FGF14: variants seen among roughly 807,000 people sequenced by gnomAD.
FGF14 encodes the protein fibroblast growth factor 14.
FGF14 carries 5 observed loss-of-function variants against 25.5 expected under a neutral mutation model. The ratio of observed to expected loss-of-function variants is 0.20; its 90% CI spans 0.10 to 0.41. The LOEUF is 0.41. Among genes scored for constraint, FGF14 ranks in the 10% least tolerant of loss-of-function variants. The probability of loss-of-function intolerance (pLI) is 1.00; values close to 1 mark genes in which losing one functional copy is unlikely to be tolerated. For synonymous variants in FGF14, 138 were observed against 118.3 expected (o/e 1.17, Z -1.08); for missense variants, 222 against 320.1 (o/e 0.69, Z 2.34).
chr13:101,837,355 C>A (rs1026412473), intron 3 of FGF14, among the ~76,000 whole-genome samples: 8 of 152,052 alleles, frequency 5.3e-5, no homozygotes, highest in African/African-American at 1.7e-4. Flanking sequence ...CTCTGCTATG[C>A]CAGTTATTAC....
intron 3 of FGF14, among the ~76,000 whole-genome samples, chr13:101,756,486 G>A (rs1379989239): frequency 6.6e-6 from 1 of 152,170 alleles, no homozygotes; most frequent in Admixed American, 6.5e-5. Flanking sequence ...TGTAATCCCA[G>A]CACTTTGGGA....
chr13:102,000,794 C>T (rs1439964888), intron 1 of FGF14, among the ~76,000 whole-genome samples: 2 of 152,194 alleles, frequency 1.3e-5, no homozygotes, highest in East Asian at 3.9e-4. Flanking sequence ...TCAAAGGGAA[C>T]TAATGCTCCT....
intron 3 of FGF14, among the ~76,000 whole-genome samples, chr13:101,730,478 A>G (rs184582216): frequency 6.6e-6 from 1 of 152,328 alleles, no homozygotes; most frequent in East Asian, 1.9e-4. Flanking sequence ...AAGAAAGAAA[A>G]TATTTTCCTT....
At chr13:102,290,295 ACTGT>A (rs1335196258) in intron 1 of FGF14, among the ~76,000 whole-genome samples, 2 of 152,152 alleles carry the variant, frequency 1.3e-5, no homozygotes, top group Non-Finnish European at 2.9e-5. Context: ...AGGAAAAGGC[ACTGT>A]CTAAGAGCCA....
intron 3 of FGF14, among the ~76,000 whole-genome samples, chr13:101,769,671 T>C (rs1470277004): frequency 2.6e-5 from 4 of 152,124 alleles, no homozygotes; most frequent in African/African-American, 9.7e-5. Flanking sequence ...GGAATAAACT[T>C]ACGTGTGTAT....
chr13:101,775,672 G>T (rs1482068321), intron 3 of FGF14, among the ~76,000 whole-genome samples: 2 of 152,094 alleles, frequency 1.3e-5, no homozygotes, highest in Non-Finnish European at 2.9e-5. Context: ...GAGGATAGGG[G>T]GCCTAGGGAA....
chr13:102,065,911 T>A lies in FGF14; in HGVS notation c.209-190615A>T, dbSNP rs569310052. On this transcript the variant is annotated intron_variant, in intron 1 of 4. Transcript: ENST00000376131. Reference sequence around the variant, plus strand: ...ATAATGAATAAACCATTAATCATTTTAAAAATCATTACCTATGGATATATA... The same window carrying A: ...ATAATGAATAAACCATTAATCATTTAAAAAATCATTACCTATGGATATATA... Among the ~76,000 whole-genome samples the A allele has an allele frequency of 1.2e-4, 19 of 152,242 alleles. No individual in the cohort carries two copies. In the East Asian group the frequency reaches 3.5e-3, roughly 28 times the overall value.
Position 102,161,700 on chromosome 13 carries a change from G to GTC in FGF14, c.208+239770_208+239771insGA, listed in dbSNP as rs781546570. ...AGAAGAAGAAGAAGAAGAAGAAGAAGAAGAAGAAGAAGAAGAAGAAGAAGA... is the reference window on the plus strand; with the variant it reads ...AGAAGAAGAAGAAGAAGAAGAAGAAGTCAAGAAGAAGAAGAAGAAGAAGAAGA... On this transcript the variant is annotated intron_variant, in intron 1 of 4. Transcript: ENST00000376131. Among the ~76,000 whole-genome samples the GTC allele has an allele frequency of 3.8e-4, 53 of 138,848 alleles. 2 individuals are homozygous for GTC. The highest frequency in any genetic ancestry group is 1.1e-3 in the African/African-American group (41 of 38,132). 91.1% of individuals were successfully genotyped at this position (138,848 alleles called of 152,430 possible).
intron 1 of FGF14, among the ~76,000 whole-genome samples, chr13:102,285,061 A>T (rs1257553579): frequency 2.6e-5 from 4 of 152,128 alleles, no homozygotes; most frequent in African/African-American, 7.2e-5. Flanking sequence ...ACCTTGGAGG[A>T]CTCCATGACT....
chr13:101,974,955 C>G (rs1017804117), intron 1 of FGF14, among the ~76,000 whole-genome samples: 8 of 152,010 alleles, frequency 5.3e-5, no homozygotes, highest in African/African-American at 1.7e-4. Flanking sequence ...AATACAGAAG[C>G]ATCTGAGAAA....
intron 3 of FGF14, among the ~76,000 whole-genome samples, chr13:101,799,918 T>C (rs968572772): frequency 1.3e-5 from 2 of 152,154 alleles, no homozygotes; most frequent in African/African-American, 2.4e-5. Context: ...CATGATAACA[T>C]GTATAGAAGA....
rs75276660 is a variant in FGF14 at position 102,079,700 on chromosome 13, C to T, written c.209-204404G>A. ...GGAGCTCGTTCTTCAGGGAGGAAAC[C>T]GACTCTGTACATCACAAATACTATA... On this transcript the variant is annotated intron_variant, in intron 1 of 4. Transcript: ENST00000376131. Among the ~76,000 whole-genome samples, 601 of 152,216 alleles carry T rather than the reference C, an allele frequency of 3.9e-3. 4 individuals are homozygous for T. The highest frequency in any genetic ancestry group is 0.014 in the African/African-American group (576 of 41,530).
rs58615099 is a variant in FGF14, at chr13:101,816,269, C to CAAAAAAAAAAAAAAAAAAAAAAAA, written c.408+52455_408+52456insTTTTTTTTTTTTTTTTTTTTTTTT. ...TGGGGAACAGAGAGAGACTCCGTCT[C>CAAAAAAAAAAAAAAAAAAAAAAAA]AAAAAAAAAAAAAAAATTTGGCTTA... On this transcript the variant is annotated intron_variant, in intron 3 of 4. Coordinates refer to ENST00000376143, the MANE Select transcript of FGF14 (RefSeq NM_004115.4). 2.3e-3 allele frequency among the ~76,000 whole-genome samples: 207 copies of CAAAAAAAAAAAAAAAAAAAAAAAA among 88,886 alleles called. 5 individuals carry two copies. Among genetic ancestry groups the CAAAAAAAAAAAAAAAAAAAAAAAA allele is most frequent in the African/African-American group, 8.6e-3 (172 of 20,010 alleles). The allele number at this position is 88,886 out of a possible 152,430, so 58.3% of individuals were successfully genotyped here. A position where few individuals can be genotyped will look rare whatever the true frequency, so the allele number is the denominator to read the frequency against.
intron 1 of FGF14, among the ~76,000 whole-genome samples, chr13:102,083,541 C>A (rs1050474983): frequency 6.6e-6 from 1 of 152,144 alleles, no homozygotes; most frequent in African/African-American, 2.4e-5. Flanking sequence ...ACTGATGTCT[C>A]AAGTCTTTAG....
intron 1 of FGF14, among the ~76,000 whole-genome samples, chr13:102,326,411 T>C: frequency 6.6e-6 from 1 of 152,154 alleles, no homozygotes; most frequent in East Asian, 1.9e-4. Context: ...GACCTCTTGC[T>C]TATGATTTTC....
At chr13:102,285,684 C>G (rs1566900995) in intron 1 of FGF14, among the ~76,000 whole-genome samples, 1 of 152,126 alleles carries the variant, frequency 6.6e-6, no homozygotes, top group Non-Finnish European at 1.5e-5. Flanking sequence ...TATCTTGATG[C>G]CTTTTAATAC....
At chr13:101,842,146 A>G (rs1299464129) in intron 3 of FGF14, among the ~76,000 whole-genome samples, 1 of 151,978 alleles carries the variant, frequency 6.6e-6, no homozygotes, top group Non-Finnish European at 1.5e-5. Context: ...GGTAATAGAA[A>G]AAAAGCAATT....
chr13:102,129,100 CTT>C (rs2140401462), intron 1 of FGF14, among the ~76,000 whole-genome samples: 1 of 151,834 alleles, frequency 6.6e-6, no homozygotes, highest in Non-Finnish European at 1.5e-5. Context: ...AAATACAAAA[CTT>C]AGCCGGGTGT....
intron 1 of FGF14, chr13:102,016,825 C>T (rs1167754261): frequency 6.6e-6 from 1 of 152,306 alleles, no homozygotes; most frequent in African/African-American, 2.4e-5. Context: ...CATCTTTCCC[C>T]CTGTGCTTCT....
Sources: gnomAD v4.1 joint callset for allele counts (sites outside exome capture counted in the v4.1 genomes callset) on GRCh38, gnomAD v4.1.1 for gene constraint, MANE v1.5 for transcripts, NCBI Gene and HGNC (gene_info 2026-07-23, HGNC 2026-07-21) for gene names.